The following USP8 variants were observed in gnomAD, a reference collection of about 807,000 sequenced individuals.
USP8 encodes ubiquitin specific peptidase 8.
In USP8, 27 loss-of-function variants were observed where a neutral mutation model predicts 130.0. That is an observed-to-expected ratio of 0.21 (90% confidence interval 0.15 to 0.29). USP8 has a LOEUF of 0.29. USP8 is among the 10% of genes least tolerant of loss of function. The pLI, the probability that USP8 is intolerant of heterozygous loss-of-function variation, is 1.00. For missense variants in USP8, 1,029 were observed against 1,312.2 expected (o/e 0.78, Z 3.33); for synonymous variants, 392 against 444.1 (o/e 0.88, Z 1.48).
chr15:50,476,772 T>C, intron 8 of USP8, 77 bp from the exon 9 acceptor site: 1 of 1,438,694 alleles, frequency 7.0e-7, no homozygotes, highest in Non-Finnish European at 9.1e-7. Context: ...GGGAACAACT[T>C]TAAAATTTAG....
intron 1 of USP8, among the ~76,000 whole-genome samples, chr15:50,430,100 A>G (rs928169054): frequency 6.6e-6 from 1 of 152,186 alleles, no homozygotes; most frequent in Non-Finnish European, 1.5e-5. Context: ...TAAGAGGCAG[A>G]AACTTTATTA....
At chr15:50,465,297 T>A in intron 7 of USP8, 106 bp downstream of exon 7, 1 of 1,286,368 alleles carries the variant, frequency 7.8e-7, no homozygotes, top group Non-Finnish European at 1.0e-6. Context: ...TAAAGTAGTC[T>A]TTTCCTGGTA....
At chr15:50,458,861 G>A in intron 4 of USP8, 139 bp from the exon 5 acceptor site, 1 of 945,902 alleles carries the variant, frequency 1.1e-6, no homozygotes, top group Non-Finnish European at 1.6e-6. Context: ...GGTGGCAGAT[G>A]TGTGAATTGT....
chr15:50,487,362 A>G, intron 12 of USP8, among the ~76,000 whole-genome samples: 1 of 150,190 alleles, frequency 6.7e-6, no homozygotes, highest in East Asian at 1.9e-4. Flanking sequence ...AGAGAAAATG[A>G]AGAGAGAGAG....
intron 1 of USP8, among the ~76,000 whole-genome samples, chr15:50,433,899 A>T (rs373207103): frequency 1.3e-5 from 2 of 152,128 alleles, no homozygotes; most frequent in Non-Finnish European, 2.9e-5. Flanking sequence ...GCCACTGTGC[A>T]CGGCTGCATT....
chr15:50,453,189 A>G (rs2050678744), intron 4 of USP8, among the ~76,000 whole-genome samples: 1 of 152,246 alleles, frequency 6.6e-6, no homozygotes. Context: ...GCCTAAGCAG[A>G]TGGAATATGA....
At chr15:50,424,662 C>T (rs944489952) in intron 1 of USP8, 148 bp downstream of exon 1, 4 of 395,780 alleles carry the variant, frequency 1.0e-5, no homozygotes, top group African/African-American at 4.1e-5. Context: ...AAGGTAGAAT[C>T]AGCTTGTGGA....
intron 14 of USP8, among the ~76,000 whole-genome samples, chr15:50,491,472 A>G (rs1230115342): frequency 1.3e-5 from 2 of 152,154 alleles, no homozygotes; most frequent in Non-Finnish European, 2.9e-5. Context: ...AATCATTCTT[A>G]AGTGTGTTAA....
Position 50,507,374 on chromosome 15 carries a change from T to A in USP8, c.*8286T>A. ...GGTGTATTTCCCTTGAGCATCATGTTGGTGCTTAAAATGTTTCAGATTTTG... is the reference window on the plus strand; with the variant it reads ...GGTGTATTTCCCTTGAGCATCATGTAGGTGCTTAAAATGTTTCAGATTTTG... On this transcript the variant is annotated 3_prime_UTR_variant, in exon 20 of 20. Coordinates refer to ENST00000307179, the MANE Select transcript of USP8 (RefSeq NM_005154.5). 6.6e-6 allele frequency: 1 copy of A among 152,252 alleles called. No individual in the cohort carries two copies. Among genetic ancestry groups the A allele is most frequent in the East Asian group, 1.9e-4 (1 of 5,206 alleles). 9.4% of individuals were successfully genotyped at this position (152,252 alleles called of 1,614,324 possible).
Position 50,495,482 on chromosome 15 carries a change from T to TGGG in USP8, c.2659-366_2659-365insGGG, listed in dbSNP as rs1555392675. On this transcript the variant is annotated intron_variant, in intron 16 of 19. Coordinates refer to ENST00000307179, the MANE Select transcript of USP8 (RefSeq NM_005154.5). Reference sequence around the variant, plus strand: ...TAGCTTTTTCTTTTTTTAGTAGAGATTGGAGGGGGGGGTCTCACTATGTTG... The same window carrying TGGG: ...TAGCTTTTTCTTTTTTTAGTAGAGATGGGTGGAGGGGGGGGTCTCACTATGTTG... 2.7e-3 allele frequency among the ~76,000 whole-genome samples: 285 copies of TGGG among 104,664 alleles called. 2 individuals are homozygous for TGGG. Among genetic ancestry groups the TGGG allele is most frequent in the African/African-American group, 8.9e-3 (278 of 31,256 alleles). 68.7% of individuals were successfully genotyped at this position (104,664 alleles called of 152,430 possible). A position where few individuals can be genotyped will look rare whatever the true frequency, so the allele number is the denominator to read the frequency against.
At chr15:50,488,541 AT>A (rs1209580541) in intron 12 of USP8, among the ~76,000 whole-genome samples, 1 of 143,484 alleles carries the variant, frequency 7.0e-6, no homozygotes, top group Non-Finnish European at 1.5e-5. Context: ...ATGCCATCAC[AT>A]CAAGGTTGGC....
intron 7 of USP8, among the ~76,000 whole-genome samples, chr15:50,467,806 C>T (rs544202776): frequency 1.9e-4 from 29 of 152,202 alleles, no homozygotes; most frequent in African/African-American, 6.5e-4. Context: ...GTCCTCCCAC[C>T]GTAGCCTCCC....
chr15:50,493,384 A>T (rs1424061561), intron 15 of USP8: 2 of 519,360 alleles, frequency 3.9e-6, no homozygotes, highest in Admixed American at 3.9e-5. Flanking sequence ...AACCCATTTT[A>T]CCTTTCAAAC....
chr15:50,437,980 A>G lies in USP8; in HGVS notation c.-65-1029A>G, dbSNP rs559280875. The stretch of plus-strand genomic sequence containing the variant: ...GTTTATAGATACCTGGAGCAAGTAT[A>G]GATAGAAAAAAAGTGAAAATGATAA... On this transcript the variant is annotated intron_variant, in intron 1 of 19. Transcript: ENST00000307179. Among the ~76,000 whole-genome samples the G allele has an allele frequency of 2.6e-4, 39 of 152,346 alleles. No individual in the cohort carries two copies. In the South Asian group the frequency reaches 5.0e-3, roughly 19 times the overall value.
intron 4 of USP8, among the ~76,000 whole-genome samples, chr15:50,455,063 T>TAA (rs2050750088): frequency 6.6e-6 from 1 of 151,570 alleles, no homozygotes; most frequent in African/African-American, 2.4e-5. Context: ...TTCAGTTATA[T>TAA]GTTTCAATTC....
rs192371783 is a variant in USP8 at position 50,509,815 on chromosome 15, G to A, written c.*10727G>A. ...TAGATGAAATAGACAAATATCTGGA[G>A]AATAAGTTACCAAAATGACTGAAGA... On this transcript the variant is annotated 3_prime_UTR_variant, in exon 20 of 20. Coordinates refer to ENST00000307179, the MANE Select transcript of USP8 (RefSeq NM_005154.5). 3.3e-5 allele frequency: 5 copies of A among 152,214 alleles called. No individual in the cohort carries two copies. The East Asian group carries it at 9.6e-4, about 29-fold the overall frequency. The allele number at this position is 152,214 out of a possible 1,614,324, so 9.4% of individuals were successfully genotyped here.
At chr15:50,477,575 C>T in intron 10 of USP8, 76 bp downstream of exon 10, 1 of 1,354,484 alleles carries the variant, frequency 7.4e-7, no homozygotes, top group Non-Finnish European at 1.0e-6. Context: ...CACAGTGCCT[C>T]ACGCCTGTAA....
chr15:50,474,323 A>G (rs1341674772), intron 8 of USP8, among the ~76,000 whole-genome samples: 2 of 152,182 alleles, frequency 1.3e-5, no homozygotes, highest in East Asian at 1.9e-4. Flanking sequence ...ATTATTAACA[A>G]TGATAGCACT....
rs1441141782 is a variant in USP8 at position 50,501,885 on chromosome 15, A to AT, written c.*2801dup. On this transcript the variant is annotated 3_prime_UTR_variant, in exon 20 of 20. Transcript: ENST00000307179. Reference sequence around the variant, plus strand: ...AATAATAGTATTGTTATATGTGAAAATTTTATGAAATTCAAATGTCAATGT... The same window carrying AT: ...AATAATAGTATTGTTATATGTGAAAATTTTTATGAAATTCAAATGTCAATGT... 6.6e-6 allele frequency: 1 copy of AT among 152,160 alleles called. No individual in the cohort carries two copies. Among genetic ancestry groups the AT allele is most frequent in the Non-Finnish European group, 1.5e-5 (1 of 68,036 alleles). 9.4% of individuals were successfully genotyped at this position (152,160 alleles called of 1,614,324 possible). A position where few individuals can be genotyped will look rare whatever the true frequency, so the allele number is the denominator to read the frequency against.
Sources: gnomAD v4.1 joint callset for allele counts (sites outside exome capture counted in the v4.1 genomes callset) on GRCh38, gnomAD v4.1.1 for gene constraint, MANE v1.5 for transcripts, NCBI Gene and HGNC (gene_info 2026-07-23, HGNC 2026-07-21) for gene names.